KHDRBS2: variants seen among roughly 807,000 people sequenced by gnomAD.
The protein encoded by KHDRBS2 is KH RNA binding domain containing, signal transduction associated 2.
KHDRBS2 carries 26 observed loss-of-function variants against 44.3 expected under a neutral mutation model. That is an observed-to-expected ratio of 0.59 (90% confidence interval 0.43 to 0.81). KHDRBS2 has a LOEUF of 0.81. Ranked by LOEUF, KHDRBS2 falls within the 40% of genes least tolerant of loss-of-function variation. The pLI is 0.00. For synonymous variants in KHDRBS2, 194 were observed against 151.1 expected (o/e 1.28, Z -2.08); for missense variants, 476 against 433.1 (o/e 1.10, Z -0.88).
chr6:61,934,881 C>T (rs973022772), intron 4 of KHDRBS2, among the ~76,000 whole-genome samples: 1 of 152,094 alleles, frequency 6.6e-6, no homozygotes, highest in Non-Finnish European at 1.5e-5. Context: ...ACTGAGTAAA[C>T]CCATGGGATT....
the KHDRBS2 span, among the ~76,000 whole-genome samples, chr6:61,640,764 G>A: frequency 1.3e-5 from 2 of 152,108 alleles, no homozygotes; most frequent in African/African-American, 2.4e-5. Context: ...GAAGAAAAAC[G>A]ATGTGATGAA....
At chr6:62,002,794 T>C (rs1048729788) in intron 3 of KHDRBS2, among the ~76,000 whole-genome samples, 1 of 151,620 alleles carries the variant, frequency 6.6e-6, no homozygotes, top group African/African-American at 2.4e-5. Flanking sequence ...TAGTATAGGT[T>C]AAATTTCTTA....
intron 4 of KHDRBS2, among the ~76,000 whole-genome samples, chr6:61,937,156 A>G (rs1811175324): frequency 1.3e-5 from 2 of 151,878 alleles, no homozygotes; most frequent in Admixed American, 1.3e-4. Flanking sequence ...CTTTTGGCAT[A>G]TGAATATTAT....
At chr6:62,187,424 CAAAATCTGTGCCTTCTT>C in intron 1 of KHDRBS2, among the ~76,000 whole-genome samples, 1 of 152,146 alleles carries the variant, frequency 6.6e-6, no homozygotes, top group East Asian at 1.9e-4. Context: ...TGTGGTGAAG[CAAAATCTGTGCCTTCTT>C]CAATCTTACA....
At chr6:62,207,707 A>C (rs1470581230) in intron 1 of KHDRBS2, among the ~76,000 whole-genome samples, 3 of 152,188 alleles carry the variant, frequency 2.0e-5, no homozygotes, top group African/African-American at 7.2e-5. Context: ...TCATATGGCT[A>C]AACCTAATGT....
intron 2 of KHDRBS2, among the ~76,000 whole-genome samples, chr6:62,052,475 G>A (rs1364464836): frequency 2.0e-5 from 3 of 151,518 alleles, no homozygotes; most frequent in Non-Finnish European, 4.4e-5. Flanking sequence ...ATAAGGAAAC[G>A]TAAGTCAGAG....
chr6:61,600,142 T>C, the KHDRBS2 span, among the ~76,000 whole-genome samples: 7 of 152,172 alleles, frequency 4.6e-5, no homozygotes, highest in Admixed American at 2.0e-4. Flanking sequence ...GTACCATTCC[T>C]TGATGGGTTC....
chr6:62,049,448 A>C (rs1204702221), intron 2 of KHDRBS2, among the ~76,000 whole-genome samples: 1 of 151,760 alleles, frequency 6.6e-6, no homozygotes, highest in Non-Finnish European at 1.5e-5. Flanking sequence ...AACCTTTGTG[A>C]ACCTAGGCTA....
At chr6:62,009,372 G>A (rs1779859677) in intron 3 of KHDRBS2, among the ~76,000 whole-genome samples, 1 of 152,172 alleles carries the variant, frequency 6.6e-6, no homozygotes, top group Non-Finnish European at 1.5e-5. Flanking sequence ...ACTGTTAAAG[G>A]CATTCAATTT....
Position 61,894,745 on chromosome 6 carries a change from G to C in KHDRBS2, c.700C>G (p.Pro234Ala). ...ACACCTCTTGCTACAGGTGGCACTG[G>C]AAGCGCTCCACGGGTTACAGTGCTT... ...RGSTVTRGALPVPPVARGVPT... is the reference protein window; with the variant it reads ...RGSTVTRGALAVPPVARGVPT... Residue 234 changes from proline to alanine, a missense_variant, in exon 6 of 9, where the codon CCA becomes GCA. Pro to Ala is a conservative substitution (Grantham distance 27). Coordinates refer to ENST00000281156, the MANE Select transcript of KHDRBS2 (RefSeq NM_152688.4). The C allele has an allele frequency of 1.2e-6, 2 of 1,613,692 alleles. No homozygotes were observed. Among genetic ancestry groups the C allele is most frequent in the Non-Finnish European group, 1.7e-6 (2 of 1,179,826 alleles).
At chr6:61,631,988 A>C in the KHDRBS2 span, among the ~76,000 whole-genome samples, 2 of 152,194 alleles carry the variant, frequency 1.3e-5, no homozygotes, top group African/African-American at 2.4e-5. Context: ...TTTGAAAGGG[A>C]CATGAGAATA....
the KHDRBS2 span, among the ~76,000 whole-genome samples, chr6:61,600,858 A>G: frequency 6.6e-6 from 1 of 152,096 alleles, no homozygotes; most frequent in Non-Finnish European, 1.5e-5. Flanking sequence ...TCTTGGCAAC[A>G]TCTTTCAATC....
At chr6:62,118,628 A>G (rs1267725183) in intron 2 of KHDRBS2, among the ~76,000 whole-genome samples, 2 of 152,116 alleles carry the variant, frequency 1.3e-5, no homozygotes, top group Non-Finnish European at 2.9e-5. Flanking sequence ...GGAGAGGAAG[A>G]CCTACCCTCA....
chr6:61,875,349 G>A (rs1412757435), intron 6 of KHDRBS2, among the ~76,000 whole-genome samples: 1 of 152,056 alleles, frequency 6.6e-6, no homozygotes, highest in African/African-American at 2.4e-5. Context: ...GGAAGATGGA[G>A]CAAGAAGCTA....
chr6:61,965,816 T>G (rs573036049), intron 4 of KHDRBS2, among the ~76,000 whole-genome samples: 1 of 152,096 alleles, frequency 6.6e-6, no homozygotes, highest in South Asian at 2.1e-4. Context: ...TGATGAATAA[T>G]GTTTAGAAAG....
intron 2 of KHDRBS2, among the ~76,000 whole-genome samples, chr6:62,105,791 G>C (rs1052597707): frequency 6.6e-6 from 1 of 152,048 alleles, no homozygotes; most frequent in African/African-American, 2.4e-5. Context: ...GTTCTGCTCT[G>C]ATTTTAGTTA....
chr6:61,798,734 C>T (rs142617466), intron 6 of KHDRBS2, among the ~76,000 whole-genome samples: 1 of 151,930 alleles, frequency 6.6e-6, no homozygotes, highest in East Asian at 1.9e-4. Flanking sequence ...AATTGGAAAC[C>T]ACATTTTTTA....
chr6:62,198,324 T>C (rs1826125733), intron 1 of KHDRBS2, among the ~76,000 whole-genome samples: 1 of 151,516 alleles, frequency 6.6e-6, no homozygotes, highest in East Asian at 1.9e-4. Context: ...ATCAACAAAA[T>C]TGATAGACCG....
intron 6 of KHDRBS2, among the ~76,000 whole-genome samples, chr6:61,878,380 GT>G (rs1583297545): frequency 6.6e-6 from 1 of 151,958 alleles, no homozygotes. Context: ...ACAAGACTTT[GT>G]TTTTATATGT....
Sources: gnomAD v4.1 joint callset for allele counts (sites outside exome capture counted in the v4.1 genomes callset) on GRCh38, gnomAD v4.1.1 for gene constraint, MANE v1.5 for transcripts, NCBI Gene and HGNC (gene_info 2026-07-23, HGNC 2026-07-21) for gene names.